CSMD1: variants seen among roughly 807,000 people sequenced by gnomAD.
CSMD1 encodes CUB and sushi domain-containing protein 1.
A neutral mutation model predicts 417.5 loss-of-function variants in CSMD1; 213 were observed. The observed-to-expected ratio is 0.51, with a 90% CI of 0.46 to 0.57. The LOEUF is 0.57. Ranked by LOEUF, CSMD1 falls within the 20% of genes least tolerant of loss-of-function variation. The pLI is 0.00. For missense variants in CSMD1, 6,923 were observed against 4,529.7 expected (o/e 1.53, Z -15.17); for synonymous variants, 2,862 against 1,736.8 (o/e 1.65, Z -16.11).
At chr8:3,113,768 A>G (rs1816682617) in intron 42 of CSMD1, among the ~76,000 whole-genome samples, 1 of 152,220 alleles carries the variant, frequency 6.6e-6, no homozygotes, top group Non-Finnish European at 1.5e-5. Flanking sequence ...GCTCGAAGAT[A>G]CCAGAAAATC....
intron 2 of CSMD1, among the ~76,000 whole-genome samples, chr8:4,569,231 T>A (rs910485639): frequency 1.2e-4 from 18 of 152,232 alleles, no homozygotes; most frequent in African/African-American, 4.3e-4. Flanking sequence ...GCCTATGTCC[T>A]GAATGGTATT....
At chr8:4,206,158 A>C (rs1027917877) in intron 3 of CSMD1, among the ~76,000 whole-genome samples, 5 of 152,136 alleles carry the variant, frequency 3.3e-5, no homozygotes, top group Admixed American at 1.3e-4. Context: ...GCTATTATTC[A>C]GAATATATGG....
intron 5 of CSMD1, among the ~76,000 whole-genome samples, chr8:3,789,099 G>C (rs1411347837): frequency 1.3e-5 from 2 of 152,268 alleles, no homozygotes; most frequent in East Asian, 3.9e-4. Context: ...GGGGGATTAG[G>C]TGGTACAGCC....
At chr8:3,253,419 T>C (rs192302935) in intron 26 of CSMD1, among the ~76,000 whole-genome samples, 1 of 152,218 alleles carries the variant, frequency 6.6e-6, no homozygotes, top group Non-Finnish European at 1.5e-5. Flanking sequence ...TCTGTTCTTT[T>C]ACATTTGCTG....
chr8:3,329,459 ATG>A (rs879707798), intron 23 of CSMD1, among the ~76,000 whole-genome samples: 6 of 152,150 alleles, frequency 3.9e-5, no homozygotes, highest in Admixed American at 6.5e-5. Flanking sequence ...AGCATATATG[ATG>A]AACGGGGAAA....
intron 3 of CSMD1, among the ~76,000 whole-genome samples, chr8:4,115,422 T>C (rs1802081949): frequency 6.6e-6 from 1 of 152,236 alleles, no homozygotes; most frequent in South Asian, 2.1e-4. Flanking sequence ...ATGATTCATT[T>C]TATAGTCTAA....
chr8:3,845,909 A>T (rs1222450916), intron 5 of CSMD1, among the ~76,000 whole-genome samples: 1 of 152,020 alleles, frequency 6.6e-6, no homozygotes, highest in Non-Finnish European at 1.5e-5. Context: ...CTAAACAGTG[A>T]TCATCAATAT....
chr8:4,575,449 C>T (rs1554516196), intron 2 of CSMD1, among the ~76,000 whole-genome samples: 1 of 152,136 alleles, frequency 6.6e-6, no homozygotes, highest in South Asian at 2.1e-4. Context: ...TAACATCCGG[C>T]AGGTCATTAA....
chr8:4,870,562 G>T (rs887624492), intron 1 of CSMD1, among the ~76,000 whole-genome samples: 2 of 152,086 alleles, frequency 1.3e-5, no homozygotes, highest in Non-Finnish European at 2.9e-5. Context: ...GTCAGTCTCA[G>T]CCAGGCTTCT....
At chr8:3,952,758 T>C (rs1319046943) in intron 5 of CSMD1, among the ~76,000 whole-genome samples, 1 of 152,230 alleles carries the variant, frequency 6.6e-6, no homozygotes, top group Admixed American at 6.5e-5. Flanking sequence ...GTTATGTTTA[T>C]TTCACTTCAA....
At chr8:3,389,240 T>A (rs575070339) in intron 17 of CSMD1, among the ~76,000 whole-genome samples, 2 of 152,132 alleles carry the variant, frequency 1.3e-5, no homozygotes, top group African/African-American at 4.8e-5. Flanking sequence ...TGCCCATTAG[T>A]TGTTTTTCCC....
chr8:4,167,805 C>G (rs1348528857), intron 3 of CSMD1, among the ~76,000 whole-genome samples: 1 of 152,102 alleles, frequency 6.6e-6, no homozygotes, highest in Non-Finnish European at 1.5e-5. Flanking sequence ...GCCTGGGCAA[C>G]ATACTCAGAC....
At chr8:4,717,104 T>C (rs1363898121) in intron 1 of CSMD1, among the ~76,000 whole-genome samples, 1 of 151,872 alleles carries the variant, frequency 6.6e-6, no homozygotes, top group Non-Finnish European at 1.5e-5. Context: ...CGAGAAAAAC[T>C]ATTTTTTTCT....
chr8:3,297,392 G>A (rs1227840748), intron 25 of CSMD1, among the ~76,000 whole-genome samples: 1 of 152,098 alleles, frequency 6.6e-6, no homozygotes, highest in Non-Finnish European at 1.5e-5. Flanking sequence ...GAAGAACAAA[G>A]CTAGATTATG....
intron 1 of CSMD1, among the ~76,000 whole-genome samples, chr8:4,905,256 G>A (rs535355738): frequency 2.6e-5 from 4 of 152,076 alleles, no homozygotes; most frequent in Non-Finnish European, 5.9e-5. Flanking sequence ...ACATTAACCA[G>A]CTATTTTCAG....
intron 5 of CSMD1, among the ~76,000 whole-genome samples, chr8:3,940,905 T>C (rs1454243996): frequency 2.0e-5 from 3 of 151,752 alleles, no homozygotes; most frequent in Admixed American, 2.0e-4. Flanking sequence ...CGAGATTATG[T>C]CTACATTTAA....
chr8:4,983,910 T>C (rs144279174), intron 1 of CSMD1, among the ~76,000 whole-genome samples: 1 of 152,044 alleles, frequency 6.6e-6, no homozygotes, highest in Non-Finnish European at 1.5e-5. Context: ...AAAGTTATGG[T>C]CGATGAGGTG....
At chr8:2,998,249 A>G in intron 53 of CSMD1, 65 bp from the exon 54 acceptor site, 1 of 1,525,052 alleles carries the variant, frequency 6.6e-7, no homozygotes, top group Non-Finnish European at 9.0e-7. Flanking sequence ...CCTTGGGATT[A>G]TTAATAAGAA....
Position 4,276,805 on chromosome 8 carries a change from C to T in CSMD1, c.415+143148G>A, listed in dbSNP as rs73500634. On this transcript the variant is annotated intron_variant, in intron 3 of 69. Coordinates refer to ENST00000635120, the MANE Select transcript of CSMD1 (RefSeq NM_033225.6). ...GAAAGAAAAATAGAACAGTGGTTTTCCCTGAGAACTAAATCTCTTTTCAGA... is the reference window on the plus strand; with the variant it reads ...GAAAGAAAAATAGAACAGTGGTTTTTCCTGAGAACTAAATCTCTTTTCAGA... 1.2e-3 allele frequency among the ~76,000 whole-genome samples: 183 copies of T among 152,132 alleles called. 1 individual carries two copies. Among genetic ancestry groups the T allele is most frequent in the African/African-American group, 4.2e-3 (175 of 41,504 alleles).
Sources: gnomAD v4.1 joint callset for allele counts (sites outside exome capture counted in the v4.1 genomes callset) on GRCh38, gnomAD v4.1.1 for gene constraint, MANE v1.5 for transcripts, NCBI Gene and HGNC (gene_info 2026-07-23, HGNC 2026-07-21) for gene names.